The following CREB5 variants were observed in gnomAD, a reference collection of about 807,000 sequenced individuals.
CREB5 encodes cyclic AMP-responsive element-binding protein 5.
In CREB5, 19 loss-of-function variants were observed where a neutral mutation model predicts 57.1. That is an observed-to-expected ratio of 0.33 (90% CI 0.23 to 0.49). CREB5 has a LOEUF of 0.49. Among genes scored for constraint, CREB5 ranks in the 20% least tolerant of loss-of-function variants. The probability of loss-of-function intolerance (pLI) is 0.99; values close to 1 mark genes in which losing one functional copy is unlikely to be tolerated. For missense variants in CREB5, 579 were observed against 671.6 expected (o/e 0.86, Z 1.52); for synonymous variants, 238 against 238.3 (o/e 1.00, Z 0.01).
chr7:28,375,157 C>G (rs1786795779), intron 1 of CREB5, among the ~76,000 whole-genome samples: 2 of 152,076 alleles, frequency 1.3e-5, no homozygotes, highest in African/African-American at 2.4e-5. Context: ...TCCAAAATTA[C>G]CTAAGACCTC....
chr7:28,420,807 CAAAAAAA>C (rs10540496), intron 1 of CREB5, among the ~76,000 whole-genome samples: 1 of 92,962 alleles, frequency 1.1e-5, no homozygotes, highest in Non-Finnish European at 2.2e-5. Context: ...GACTCCATCT[CAAAAAAA>C]AAAAAAAAAA....
intron 1 of CREB5, among the ~76,000 whole-genome samples, chr7:28,304,024 G>A (rs1248617811): frequency 6.6e-6 from 1 of 152,078 alleles, no homozygotes; most frequent in Non-Finnish European, 1.5e-5. Flanking sequence ...ATTTCCATTT[G>A]GAATGCTATA....
At chr7:28,788,827 G>GT (rs1194823018) in intron 7 of CREB5, among the ~76,000 whole-genome samples, 63 of 133,970 alleles carry the variant, frequency 4.7e-4, no homozygotes, top group African/African-American at 1.9e-3. Context: ...CCCTCTTCTG[G>GT]TTTAAAAAAA....
intron 5 of CREB5, among the ~76,000 whole-genome samples, chr7:28,601,501 A>G (rs1260748159): frequency 2.0e-5 from 3 of 152,172 alleles, no homozygotes; most frequent in Non-Finnish European, 4.4e-5. Flanking sequence ...CTCAACCCCT[A>G]TGGGCCTCAG....
At chr7:28,574,040 A>C (rs1272343552) in intron 5 of CREB5, among the ~76,000 whole-genome samples, 1 of 152,182 alleles carries the variant, frequency 6.6e-6, no homozygotes, top group Non-Finnish European at 1.5e-5. Flanking sequence ...ACACACAGCT[A>C]TGGAGAGTGT....
intron 7 of CREB5, among the ~76,000 whole-genome samples, chr7:28,784,720 T>A: frequency 6.6e-6 from 1 of 152,082 alleles, no homozygotes; most frequent in East Asian, 1.9e-4. Flanking sequence ...GGATTCTTGT[T>A]AAGGGATGGG....
intron 7 of CREB5, among the ~76,000 whole-genome samples, chr7:28,730,579 G>A (rs933812522): frequency 2.0e-5 from 3 of 152,164 alleles, no homozygotes; most frequent in African/African-American, 7.2e-5. Flanking sequence ...TCTGGGATGT[G>A]AACCCAAGCA....
At chr7:28,776,486 G>A (rs1255171611) in intron 7 of CREB5, among the ~76,000 whole-genome samples, 1 of 152,094 alleles carries the variant, frequency 6.6e-6, no homozygotes, top group Non-Finnish European at 1.5e-5. Context: ...TTTATTTGGA[G>A]GAACAGCATC....
chr7:28,455,753 A>G (rs988262666), intron 1 of CREB5, among the ~76,000 whole-genome samples: 6 of 152,160 alleles, frequency 3.9e-5, no homozygotes, highest in Admixed American at 1.3e-4. Context: ...CCCCCAGGGG[A>G]CAGTGTAAAG....
intron 7 of CREB5, among the ~76,000 whole-genome samples, chr7:28,776,075 C>A (rs912089292): frequency 5.9e-5 from 9 of 151,932 alleles, no homozygotes; most frequent in Admixed American, 5.2e-4. Flanking sequence ...CAGTGGCTCA[C>A]GCCTGTAATC....
At chr7:28,685,544 A>G (rs1800835880) in intron 5 of CREB5, among the ~76,000 whole-genome samples, 1 of 152,186 alleles carries the variant, frequency 6.6e-6, no homozygotes, top group African/African-American at 2.4e-5. Flanking sequence ...CCAAAGCCCA[A>G]GCTGCTAACT....
chr7:28,704,529 G>A (rs1478357426), intron 5 of CREB5, among the ~76,000 whole-genome samples: 1 of 151,722 alleles, frequency 6.6e-6, no homozygotes, highest in Non-Finnish European at 1.5e-5. Context: ...CACGATCATA[G>A]CTCACTGTGT....
chr7:28,455,401 C>A (rs1231450479), intron 1 of CREB5, among the ~76,000 whole-genome samples: 1 of 152,118 alleles, frequency 6.6e-6, no homozygotes, highest in African/African-American at 2.4e-5. Context: ...TTGAACCAAG[C>A]CTTTAAGTAG....
At chr7:28,404,231 A>G (rs1006729074) in intron 1 of CREB5, among the ~76,000 whole-genome samples, 3 of 152,148 alleles carry the variant, frequency 2.0e-5, no homozygotes, top group African/African-American at 7.2e-5. Context: ...CTATGTCATC[A>G]TTTTCAGTGT....
At chr7:28,432,998 T>C (rs1554319680) in intron 1 of CREB5, among the ~76,000 whole-genome samples, 58 of 152,242 alleles carry the variant, frequency 3.8e-4, no homozygotes, top group Non-Finnish European at 1.5e-5. Flanking sequence ...GGTCATGATT[T>C]ATTTTTTTGA....
chr7:28,421,846 ACT>A (rs879618076), intron 1 of CREB5, among the ~76,000 whole-genome samples: 5 of 39,902 alleles, frequency 1.3e-4, no homozygotes, highest in East Asian at 4.6e-4. Flanking sequence ...ACACACACAC[ACT>A]CTCTCTCTCT....
chr7:28,494,094 A>G (rs1277154551), intron 2 of CREB5, among the ~76,000 whole-genome samples: 1 of 152,208 alleles, frequency 6.6e-6, no homozygotes, highest in Non-Finnish European at 1.5e-5. Flanking sequence ...TGTCTAGCAT[A>G]CTTATCATAC....
intron 1 of CREB5, among the ~76,000 whole-genome samples, chr7:28,462,450 G>C (rs940782830): frequency 5.3e-5 from 8 of 152,126 alleles, no homozygotes; most frequent in Admixed American, 3.9e-4. Context: ...GGAGTGGAAT[G>C]GCTGGGTCAT....
At chr7:28,489,499 C>T (rs1272850688) in intron 2 of CREB5, among the ~76,000 whole-genome samples, 1 of 151,854 alleles carries the variant, frequency 6.6e-6, no homozygotes, top group Non-Finnish European at 1.5e-5. Flanking sequence ...GACGGGGTTT[C>T]ACCTTGTTAG....
Sources: allele counts gnomAD v4.1 joint callset (sites outside exome capture counted in the v4.1 genomes callset), GRCh38; gene constraint gnomAD v4.1.1; transcripts MANE v1.5; gene names NCBI Gene and HGNC (gene_info 2026-07-23, HGNC 2026-07-21).